IQSEC1: variants seen among roughly 807,000 people sequenced by gnomAD.
IQSEC1 encodes the protein IQ motif and Sec7 domain ArfGEF 1.
In IQSEC1, 31 loss-of-function variants were observed where a neutral mutation model predicts 91.0. That is an observed-to-expected ratio of 0.34 (90% confidence interval 0.26 to 0.46). The LOEUF is 0.46. Ranked by LOEUF, IQSEC1 falls within the 20% of genes least tolerant of loss-of-function variation. IQSEC1 has a pLI of 1.00. For synonymous variants in IQSEC1, 699 were observed against 662.6 expected (o/e 1.05, Z -0.84); for missense variants, 1,388 against 1,575.6 (o/e 0.88, Z 2.02).
chr3:13,170,116 G>A (rs1315983915), intron 1 of IQSEC1, among the ~76,000 whole-genome samples: 1 of 152,262 alleles, frequency 6.6e-6, no homozygotes, highest in African/African-American at 2.4e-5. Context: ...GGGTCCCCAA[G>A]CTGTGTGCAG....
At chr3:13,062,683 G>A (rs775777015) in intron 1 of IQSEC1, among the ~76,000 whole-genome samples, 14 of 152,154 alleles carry the variant, frequency 9.2e-5, no homozygotes, top group Non-Finnish European at 1.9e-4. Flanking sequence ...GAGACTTGAG[G>A]GCATTTCTCT....
At position 13,073,017 on chromosome 3, in the gene IQSEC1, T is replaced by C. The variant is rs1056604387; in HGVS notation, c.-3A>G. ...AAATAGCGTCTTCTGCAAGCCATCC[T>C]GTGTGAATCCGTTCTTCCCTGTTCT... On this transcript the variant is annotated 5_prime_UTR_variant, in exon 1 of 14. Transcript: ENST00000613206. 48 of 1,551,768 alleles carry C rather than the reference T, an allele frequency of 3.1e-5. No individual in the cohort carries two copies. The highest frequency in any genetic ancestry group is 4.1e-5 in the Non-Finnish European group (47 of 1,146,988).
chr3:12,900,338 C>T lies in IQSEC1; in HGVS notation c.*645G>A, dbSNP rs1473080897. The stretch of plus-strand genomic sequence containing the variant: ...ATTTAGGGTTTGGTCTATTGTCTCA[C>T]ACACCCAGCTAAGGTACTGTCTTCC... On this transcript the variant is annotated 3_prime_UTR_variant, in exon 14 of 14. Transcript: ENST00000613206. 1 of 984,826 alleles carries T rather than the reference C, an allele frequency of 1.0e-6. No homozygotes were observed. Among genetic ancestry groups the T allele is most frequent in the Non-Finnish European group, 1.2e-6 (1 of 829,668 alleles). The allele number at this position is 984,826 out of a possible 1,614,324, so 61.0% of individuals were successfully genotyped here.
At chr3:13,066,334 G>C (rs1037007116) in intron 1 of IQSEC1, among the ~76,000 whole-genome samples, 1 of 152,262 alleles carries the variant, frequency 6.6e-6, no homozygotes, top group African/African-American at 2.4e-5. Context: ...AGGCCCCTCA[G>C]GGATGCTAGA....
chr3:13,245,759 C>T (rs1695097832), intron 1 of IQSEC1, among the ~76,000 whole-genome samples: 1 of 135,202 alleles, frequency 7.4e-6, no homozygotes, highest in African/African-American at 3.4e-5. Context: ...AGAGCCAGAC[C>T]CTGTTTCAAA....
chr3:13,007,491 A>G (rs1702688828), intron 1 of IQSEC1, among the ~76,000 whole-genome samples: 1 of 152,190 alleles, frequency 6.6e-6, no homozygotes, highest in Admixed American at 6.5e-5. Context: ...CTAGGTCTCA[A>G]TTCTGATGCT....
intron 1 of IQSEC1, among the ~76,000 whole-genome samples, chr3:13,198,394 T>G (rs370702050): frequency 1.3e-5 from 2 of 151,460 alleles, no homozygotes; most frequent in East Asian, 3.9e-4. Flanking sequence ...ATCTGAAGAG[T>G]GCATACCGCG....
intron 2 of IQSEC1, among the ~76,000 whole-genome samples, chr3:13,120,312 G>C (rs1406550019): frequency 6.6e-6 from 1 of 152,206 alleles, no homozygotes; most frequent in African/African-American, 2.4e-5. Flanking sequence ...ATGAGGAACT[G>C]AGGCTTGGTA....
At chr3:13,238,409 C>T (rs1230894118) in intron 1 of IQSEC1, among the ~76,000 whole-genome samples, 6 of 152,222 alleles carry the variant, frequency 3.9e-5, no homozygotes, top group African/African-American at 1.4e-4. Flanking sequence ...GAATGCTCTC[C>T]CCAGAACCCC....
At chr3:13,234,927 C>T (rs563964200) in intron 1 of IQSEC1, among the ~76,000 whole-genome samples, 7 of 152,258 alleles carry the variant, frequency 4.6e-5, no homozygotes, top group African/African-American at 1.2e-4. Flanking sequence ...TTGAGTTTGC[C>T]GGCAGTCAGC....
intron 1 of IQSEC1, among the ~76,000 whole-genome samples, chr3:13,191,131 G>C (rs1694022487): frequency 6.6e-6 from 1 of 152,202 alleles, no homozygotes; most frequent in South Asian, 2.1e-4. Context: ...TTCAGCCGTG[G>C]ATCCTCCCTC....
chr3:13,263,435 G>GATAAAGTACCTGACACTTTTTTTTTTTT (rs1559288981), intron 1 of IQSEC1, among the ~76,000 whole-genome samples: 1 of 130,350 alleles, frequency 7.7e-6, no homozygotes, highest in African/African-American at 2.6e-5. Context: ...TTTGGGGGGG[G>GATAAAGTACCTGACACTTTTTTTTTTTT]GGGGAAAGTA....
At chr3:13,058,129 C>T (rs369074412) in intron 1 of IQSEC1, among the ~76,000 whole-genome samples, 4 of 152,226 alleles carry the variant, frequency 2.6e-5, no homozygotes, top group South Asian at 2.1e-4. Flanking sequence ...AAAAAACAGC[C>T]GGGCGTGGTG....
chr3:12,898,155 A>T lies in IQSEC1; in HGVS notation c.*2828T>A, dbSNP rs914661722. The T allele has an allele frequency of 9.9e-5, 15 of 152,260 alleles. No individual in the cohort carries two copies. The highest frequency in any genetic ancestry group is 3.6e-4 in the African/African-American group (15 of 41,450). The allele number at this position is 152,260 out of a possible 1,614,324, so 9.4% of individuals were successfully genotyped here. On this transcript the variant is annotated 3_prime_UTR_variant, in exon 14 of 14. Transcript: ENST00000613206. ...CTCCTCCTGCCTCCCCTCCCAGGGG[A>T]TGTGATGACAGGACCCCGAAGCTGT... is the stretch of plus-strand genomic sequence containing the variant.
chr3:12,920,735 T>TAG, intron 5 of IQSEC1, 139 bp from the exon 6 acceptor site: 2 of 914,570 alleles, frequency 2.2e-6, no homozygotes, highest in Non-Finnish European at 3.3e-6. Flanking sequence ...CCTGTCGGAG[T>TAG]TGGCCCTGAC....
intron 1 of IQSEC1, among the ~76,000 whole-genome samples, chr3:12,976,809 A>G (rs1202302612): frequency 6.6e-6 from 1 of 152,196 alleles, no homozygotes; most frequent in Non-Finnish European, 1.5e-5. Context: ...ATGTTGATCC[A>G]GATTCACTCT....
intron 12 of IQSEC1, 101 bp from the exon 13 acceptor site, chr3:12,902,923 G>A (rs1694527111): frequency 3.3e-6 from 3 of 905,364 alleles, no homozygotes; most frequent in Non-Finnish European, 5.5e-6. Flanking sequence ...CACCCCTGCT[G>A]GGAGCAGGCA....
At chr3:13,231,035 T>A (rs1183086670) in intron 1 of IQSEC1, among the ~76,000 whole-genome samples, 1 of 152,216 alleles carries the variant, frequency 6.6e-6, no homozygotes, top group Admixed American at 6.5e-5. Context: ...AAAGTATTGA[T>A]GATTTTACCA....
At chr3:13,123,772 C>T (rs987179707) in intron 2 of IQSEC1, among the ~76,000 whole-genome samples, 11 of 152,188 alleles carry the variant, frequency 7.2e-5, no homozygotes, top group African/African-American at 1.9e-4. Flanking sequence ...GCTGTGCTCC[C>T]GCCCAACCCA....
Sources: gnomAD v4.1 joint callset for allele counts (sites outside exome capture counted in the v4.1 genomes callset) on GRCh38, gnomAD v4.1.1 for gene constraint, MANE v1.5 for transcripts, NCBI Gene and HGNC (gene_info 2026-07-23, HGNC 2026-07-21) for gene names.